FRAS1: variants seen among roughly 807,000 people sequenced by gnomAD.
FRAS1 encodes the protein extracellular matrix organizing protein FRAS1.
A neutral mutation model predicts 435.2 loss-of-function variants in FRAS1; 290 were observed. The observed-to-expected ratio is 0.67, with a 90% CI of 0.61 to 0.73. The LOEUF (loss-of-function observed/expected upper bound fraction) is 0.73. Ranked by LOEUF, FRAS1 falls within the 30% of genes least tolerant of loss-of-function variation. FRAS1 has a pLI of 0.00. For missense variants in FRAS1, 4,860 were observed against 5,001.5 expected (o/e 0.97, Z 0.85); for synonymous variants, 1,800 against 1,851.0 (o/e 0.97, Z 0.71).
chr4:78,160,553 G>A (rs1052564483), intron 2 of FRAS1, among the ~76,000 whole-genome samples: 2 of 151,840 alleles, frequency 1.3e-5, no homozygotes, highest in Non-Finnish European at 1.5e-5. Flanking sequence ...GTTTTTGTAA[G>A]TACAGGCTGC....
intron 10 of FRAS1, among the ~76,000 whole-genome samples, chr4:78,280,365 C>A (rs570929260): frequency 2.0e-5 from 3 of 152,246 alleles, no homozygotes; most frequent in East Asian, 3.9e-4. Flanking sequence ...AGGAAGGACT[C>A]CAGGTCCTGG....
intron 14 of FRAS1, among the ~76,000 whole-genome samples, chr4:78,303,529 T>A (rs948458849): frequency 6.6e-6 from 1 of 152,224 alleles, no homozygotes; most frequent in Non-Finnish European, 1.5e-5. Flanking sequence ...CCTCTTTGAC[T>A]TCCTTGAGCA....
chr4:78,467,089 G>A (rs1177551626), intron 50 of FRAS1, among the ~76,000 whole-genome samples: 1 of 152,106 alleles, frequency 6.6e-6, no homozygotes, highest in East Asian at 1.9e-4. Flanking sequence ...AAACAATCCA[G>A]TTATTCTCTT....
chr4:78,371,895 C>G (rs1210020810), intron 23 of FRAS1, among the ~76,000 whole-genome samples: 1 of 152,192 alleles, frequency 6.6e-6, no homozygotes, highest in African/African-American at 2.4e-5. Context: ...CAACCCAACC[C>G]CTGAGACTCT....
In FRAS1 at chr4:78,521,528, C is replaced by A; in HGVS notation, c.10546C>A (p.Gln3516Lys). Residue 3516 changes from glutamine to lysine, a missense_variant, in exon 68 of 74, where the codon CAG (glutamine) becomes AAG (lysine). Gln to Lys is a moderately conservative substitution (Grantham distance 53). Transcript: ENST00000512123. ...YDTVLWRTGI[Q>K]TDSVLSARLQ... ...CTCTCTGCTTTCCTGCCCAGGAATC[C>A]AGACAGACAGCGTGCTCTCTGCAAG... 6.2e-7 allele frequency: 1 copy of A among 1,608,002 alleles called. No homozygotes were observed.
chr4:78,131,228 T>G (rs949545779), intron 2 of FRAS1, among the ~76,000 whole-genome samples: 10 of 152,304 alleles, frequency 6.6e-5, no homozygotes, highest in African/African-American at 2.4e-4. Context: ...ATATGTATAT[T>G]TAATCACATG....
At chr4:78,363,769 G>GTGTAAACCACTTCCATGGGAC (rs1400399713) in intron 21 of FRAS1, 104 bp downstream of exon 21, 1 of 1,436,290 alleles carries the variant, frequency 7.0e-7, no homozygotes, top group African/African-American at 1.4e-5. Flanking sequence ...GAGGCAGGAA[G>GTGTAAACCACTTCCATGGGAC]TGTAAACCAC....
intron 21 of FRAS1, 82 bp from the exon 22 acceptor site, chr4:78,363,826 A>T: frequency 6.7e-7 from 1 of 1,503,344 alleles, no homozygotes; most frequent in East Asian, 2.3e-5. Flanking sequence ...CAGTGTTGGG[A>T]CTTTATTACC....
chr4:78,519,515 T>C (rs762837276), intron 67 of FRAS1, 34 bp downstream of exon 67: 46 of 1,595,584 alleles, frequency 2.9e-5, no homozygotes, highest in Admixed American at 5.4e-5. Context: ...ATCCCTTTAG[T>C]TAGGGCTTCA....
rs1553958950 is a variant in FRAS1 at position 78,429,046 on chromosome 4, C to CTCTG, written c.4712-48_4712-47insCTGT. 157 of 1,393,630 alleles carry CTCTG rather than the reference C, an allele frequency of 1.1e-4. No homozygotes were observed. In the South Asian group the frequency reaches 1.4e-3, roughly 12 times the overall value. The allele number at this position is 1,393,630 out of a possible 1,614,324, so 86.3% of individuals were successfully genotyped here. On this transcript the variant is annotated intron_variant, in intron 35 of 73. Transcript: ENST00000512123. ...GATTCGTGTGTGTGTGTGCGTGTCT[C>CTCTG]TGTGTGTGTGTGTGTGTCTCTGTGT...
intron 2 of FRAS1, among the ~76,000 whole-genome samples, chr4:78,173,077 C>T (rs368757093): frequency 2.3e-4 from 35 of 152,316 alleles, no homozygotes; most frequent in African/African-American, 7.9e-4. Context: ...AGGCTGACTT[C>T]GGTTTTACAA....
chr4:78,064,810 G>A (rs1437637120), intron 1 of FRAS1, among the ~76,000 whole-genome samples: 1 of 151,702 alleles, frequency 6.6e-6, no homozygotes, highest in African/African-American at 2.4e-5. Flanking sequence ...ATCCATTAGA[G>A]GTAAGCACTG....
chr4:78,437,779 A>G (rs1296120539), intron 38 of FRAS1, among the ~76,000 whole-genome samples: 1 of 152,226 alleles, frequency 6.6e-6, no homozygotes, highest in Non-Finnish European at 1.5e-5. Context: ...AGCCCTAAAA[A>G]ATGAATGACT....
chr4:78,379,027 G>A (rs561461401), intron 26 of FRAS1, among the ~76,000 whole-genome samples: 2 of 152,014 alleles, frequency 1.3e-5, no homozygotes, highest in South Asian at 2.1e-4. Flanking sequence ...TGCTCTTGCC[G>A]TGCATCCAGT....
At chr4:78,429,254 T>C in intron 36 of FRAS1, 28 bp downstream of exon 36, 1 of 1,591,190 alleles carries the variant, frequency 6.3e-7, no homozygotes, top group Non-Finnish European at 8.6e-7. Context: ...GATAGAAACA[T>C]GGCTTTGGAA....
intron 14 of FRAS1, among the ~76,000 whole-genome samples, chr4:78,304,651 G>A (rs559426301): frequency 7.7e-4 from 117 of 151,994 alleles, no homozygotes; most frequent in African/African-American, 2.5e-3. Context: ...GTTTATTTGC[G>A]TAGAGGTGTT....
At chr4:78,090,544 C>T (rs150823163) in intron 2 of FRAS1, among the ~76,000 whole-genome samples, 2 of 152,074 alleles carry the variant, frequency 1.3e-5, no homozygotes, top group Non-Finnish European at 2.9e-5. Flanking sequence ...GTCAAAGAGG[C>T]CTCCGTCACT....
intron 29 of FRAS1, among the ~76,000 whole-genome samples, chr4:78,399,582 A>G (rs1034112766): frequency 2.7e-4 from 41 of 152,180 alleles, no homozygotes; most frequent in Admixed American, 2.6e-3. Flanking sequence ...TAGCTTTAGT[A>G]ATTAAAATGA....
At chr4:78,329,375 G>T (rs1729848070) in intron 18 of FRAS1, among the ~76,000 whole-genome samples, 1 of 152,206 alleles carries the variant, frequency 6.6e-6, no homozygotes, top group Non-Finnish European at 1.5e-5. Context: ...AAGTGCTACA[G>T]CGAATTCTAA....
Sources: gnomAD v4.1 joint callset for allele counts (sites outside exome capture counted in the v4.1 genomes callset) on GRCh38, gnomAD v4.1.1 for gene constraint, MANE v1.5 for transcripts, NCBI Gene and HGNC (gene_info 2026-07-23, HGNC 2026-07-21) for gene names.